The following SDCCAG8 variants were observed in gnomAD, a reference collection of about 807,000 sequenced individuals.
The protein encoded by SDCCAG8 is SHH signaling and ciliogenesis regulator SDCCAG8, also known as serologically defined colon cancer antigen 8.
SDCCAG8 carries 74 observed loss-of-function variants against 101.8 expected under a neutral mutation model. The ratio of observed to expected loss-of-function variants is 0.73; its 90% confidence interval spans 0.60 to 0.88. SDCCAG8 has a LOEUF of 0.88. Among genes scored for constraint, SDCCAG8 ranks in the 40% least tolerant of loss-of-function variants. The pLI is 0.00. For missense variants in SDCCAG8, 787 were observed against 822.6 expected (o/e 0.96, Z 0.53); for synonymous variants, 281 against 292.9 (o/e 0.96, Z 0.41).
Position 243,499,830 on chromosome 1 carries a change from TAC to T in SDCCAG8, c.*47_*48del. ...AATAAATGATTTACAAAGAGATATTTACATTCATCTGGTTTAGACTTAATATG... is the reference window on the plus strand; with the variant it reads ...AATAAATGATTTACAAAGAGATATTTATTCATCTGGTTTAGACTTAATATG... On this transcript the variant is annotated 3_prime_UTR_variant, in exon 18 of 18. Coordinates refer to ENST00000366541, the MANE Select transcript of SDCCAG8 (RefSeq NM_006642.5). 1 of 1,586,148 alleles carries T rather than the reference TAC, an allele frequency of 6.3e-7. No individual in the cohort carries two copies. The highest frequency in any genetic ancestry group is 8.6e-7 in the Non-Finnish European group (1 of 1,156,232).
chr1:243,462,436 A>G (rs1274440141), intron 16 of SDCCAG8, among the ~76,000 whole-genome samples: 27 of 152,264 alleles, frequency 1.8e-4, no homozygotes, highest in Admixed American at 1.8e-3. Flanking sequence ...TAAGGACAGT[A>G]ACCAGTGAGG....
At chr1:243,392,374 C>T (rs961483589) in intron 13 of SDCCAG8, among the ~76,000 whole-genome samples, 1 of 152,224 alleles carries the variant, frequency 6.6e-6, no homozygotes, top group Admixed American at 6.5e-5. Context: ...AGAAGGCAAA[C>T]TATCTTGCCA....
intron 13 of SDCCAG8, 119 bp downstream of exon 13, chr1:243,378,982 G>A: frequency 1.5e-6 from 2 of 1,333,392 alleles, no homozygotes; most frequent in East Asian, 2.3e-5. Context: ...TAGCTTTCAG[G>A]CATATTAAGA....
Position 243,474,907 on chromosome 1 carries a change from CT to C in SDCCAG8, c.1986-14105del, listed in dbSNP as rs1399117244. ...CATTTAGAATCGGGGAAAAATCTACCTTCTGTTTAGCAGTTGCTCTTTTCTG... is the reference window on the plus strand; with the variant it reads ...CATTTAGAATCGGGGAAAAATCTACCTCTGTTTAGCAGTTGCTCTTTTCTG... On this transcript the variant is annotated intron_variant, in intron 16 of 17. Coordinates refer to ENST00000366541, the MANE Select transcript of SDCCAG8 (RefSeq NM_006642.5). This position sits in a 1 kb window ranked among gnomAD's most constrained non-coding sequence, Gnocchi z 4.7. Among the ~76,000 whole-genome samples, 1 of 152,198 alleles carries C rather than the reference CT, an allele frequency of 6.6e-6. No individual in the cohort carries two copies. Among genetic ancestry groups the C allele is most frequent in the African/African-American group, 2.4e-5 (1 of 41,458 alleles).
intron 13 of SDCCAG8, among the ~76,000 whole-genome samples, chr1:243,382,537 A>G (rs1302432404): frequency 6.6e-6 from 1 of 152,226 alleles, no homozygotes; most frequent in African/African-American, 2.4e-5. Flanking sequence ...ACCACACTTG[A>G]GTTGAATATG....
chr1:243,276,879 C>T (rs894349343), intron 4 of SDCCAG8, among the ~76,000 whole-genome samples: 1 of 152,144 alleles, frequency 6.6e-6, no homozygotes, highest in African/African-American at 2.4e-5. Flanking sequence ...TGCAGAATGT[C>T]ATATACTTGG....
intron 13 of SDCCAG8, among the ~76,000 whole-genome samples, chr1:243,389,076 G>A (rs1394733137): frequency 6.6e-6 from 1 of 151,958 alleles, no homozygotes; most frequent in African/African-American, 2.4e-5. Flanking sequence ...TTGAGCCTGG[G>A]AGTTTAAGGC....
At chr1:243,396,458 A>G (rs189617660) in intron 13 of SDCCAG8, among the ~76,000 whole-genome samples, 1 of 152,176 alleles carries the variant, frequency 6.6e-6, no homozygotes, top group African/African-American at 2.4e-5. Flanking sequence ...CAAAGCAGTA[A>G]TGGAGCTGTG....
chr1:243,484,715 T>C (rs566284127), intron 16 of SDCCAG8, among the ~76,000 whole-genome samples: 1 of 152,346 alleles, frequency 6.6e-6, no homozygotes, highest in Admixed American at 6.5e-5. Context: ...TTTGTCATTC[T>C]TGATGGACCC....
intron 6 of SDCCAG8, among the ~76,000 whole-genome samples, chr1:243,296,866 C>T (rs1449861513): frequency 6.6e-6 from 1 of 152,140 alleles, no homozygotes; most frequent in African/African-American, 2.4e-5. Context: ...TAATGACTTC[C>T]AGCCATCAGT....
Position 243,308,196 on chromosome 1 carries a change from G to C in SDCCAG8, c.929+19G>C, listed in dbSNP as rs753008205. The C allele has an allele frequency of 1.9e-6, 3 of 1,613,558 alleles. No individual in the cohort carries two copies. Among genetic ancestry groups the C allele is most frequent in the Non-Finnish European group, 2.5e-6 (3 of 1,179,644 alleles). ...TGGTTAAGTAAGTATGCTTCTACGC[G>C]CACGGAGACTTTGGCAATATGGAAA... On this transcript the variant is annotated intron_variant, in intron 8 of 17. Coordinates refer to ENST00000366541, the MANE Select transcript of SDCCAG8 (RefSeq NM_006642.5).
At chr1:243,262,659 A>G (rs1214846986) in intron 1 of SDCCAG8, among the ~76,000 whole-genome samples, 1 of 152,226 alleles carries the variant, frequency 6.6e-6, no homozygotes, top group Admixed American at 6.5e-5. Context: ...ATAGGTATAG[A>G]GTAAGTTTTT....
Position 243,458,757 on chromosome 1 carries a change from G to A in SDCCAG8, c.1986-30257G>A, listed in dbSNP as rs371475807. 6.6e-5 allele frequency among the ~76,000 whole-genome samples: 10 copies of A among 152,308 alleles called. No homozygotes were observed. Among genetic ancestry groups the A allele is most frequent in the South Asian group, 2.1e-4 (1 of 4,830 alleles). On this transcript the variant is annotated intron_variant, in intron 16 of 17. Coordinates refer to ENST00000366541, the MANE Select transcript of SDCCAG8 (RefSeq NM_006642.5). This position sits in a 1 kb window ranked among gnomAD's most constrained non-coding sequence, Gnocchi z 4.5. Reference sequence around the variant, plus strand: ...CATAATAGTAAAAATTTTTAGAAGCGCTTCCTGTGATTCCAGTCAGATATG... The same window carrying A: ...CATAATAGTAAAAATTTTTAGAAGCACTTCCTGTGATTCCAGTCAGATATG...
intron 1 of SDCCAG8, among the ~76,000 whole-genome samples, chr1:243,258,611 G>C (rs1437699953): frequency 6.6e-6 from 1 of 152,092 alleles, no homozygotes; most frequent in Non-Finnish European, 1.5e-5. Flanking sequence ...CGCCATGTTG[G>C]TCAGGCTGCT....
intron 13 of SDCCAG8, among the ~76,000 whole-genome samples, chr1:243,382,625 A>G (rs1057059756): frequency 4.6e-5 from 7 of 152,186 alleles, no homozygotes; most frequent in African/African-American, 1.7e-4. Flanking sequence ...TGTTTAGTTC[A>G]AGTAAGAAGT....
At chr1:243,487,135 A>G (rs1265797564) in intron 16 of SDCCAG8, among the ~76,000 whole-genome samples, 1 of 152,200 alleles carries the variant, frequency 6.6e-6, no homozygotes, top group Non-Finnish European at 1.5e-5. Flanking sequence ...CCTGGGCCCC[A>G]CAGCAGGGCA....
chr1:243,294,506 C>CGAGAGAGAGAGAGAGAGAGA (rs74162272), intron 6 of SDCCAG8, among the ~76,000 whole-genome samples: 6,985 of 105,770 alleles, frequency 0.066, 573 homozygotes, highest in South Asian at 0.096. Flanking sequence ...AGAGAAAGAG[C>CGAGAGAGAGAGAGAGAGAGA]GAGAGAGAGA....
chr1:243,405,808 T>C (rs906972270), intron 13 of SDCCAG8, among the ~76,000 whole-genome samples: 9 of 151,616 alleles, frequency 5.9e-5, no homozygotes, highest in Non-Finnish European at 1.3e-4. Context: ...ATAAAAAATA[T>C]ATAAATTATA....
chr1:243,271,349 TATATAATAAATTA>T (rs1025551639), intron 3 of SDCCAG8, among the ~76,000 whole-genome samples: 52 of 148,564 alleles, frequency 3.5e-4, no homozygotes, highest in African/African-American at 1.3e-3. Context: ...AAATATATAA[TATATAATAAATTA>T]ATATAATAAA....
Sources: gnomAD v4.1 joint callset for allele counts (sites outside exome capture counted in the v4.1 genomes callset) on GRCh38, gnomAD v4.1.1 for gene constraint, Gnocchi (gnomAD v3.1) non-coding constraint, MANE v1.5 for transcripts, NCBI Gene and HGNC (gene_info 2026-07-23, HGNC 2026-07-21) for gene names.